The following YTHDC1 variants were observed in gnomAD, a reference collection of about 807,000 sequenced individuals.
YTHDC1 encodes YTH N6-methyladenosine RNA binding protein C1, also known as YTH domain-containing protein 1.
In YTHDC1, 12 loss-of-function variants were observed where a neutral mutation model predicts 107.0. The observed-to-expected ratio is 0.11, with a 90% CI of 0.07 to 0.18. The LOEUF (loss-of-function observed/expected upper bound fraction) is 0.18. Ranked by LOEUF, YTHDC1 falls within the 10% of genes least tolerant of loss-of-function variation. The pLI is 1.00. For missense variants in YTHDC1, 635 were observed against 898.8 expected (o/e 0.71, Z 3.75); for synonymous variants, 280 against 289.5 (o/e 0.97, Z 0.33).
In YTHDC1 at chr4:68,337,861, G is replaced by C. The variant is rs747785716; in HGVS notation, c.170C>G (p.Thr57Ser). The change falls in exon 3 of 17, where the codon ACC (threonine) becomes AGC (serine). Residue 57 changes from threonine to serine, a missense_variant. This residue lies in a region of YTHDC1 where 294 missense variants were observed against 312.3 expected (regional missense o/e 0.94). Coordinates refer to ENST00000344157, the MANE Select transcript of YTHDC1 (RefSeq NM_001031732.4). ...RKSDRMESTD[T>S]KRQKPSVHSR... ...ATGGACAGAAGGCTTTTGTCGTTTGGTATCAGTAGATTCCATTCGATCACT... is the reference window on the plus strand; with the variant it reads ...ATGGACAGAAGGCTTTTGTCGTTTGCTATCAGTAGATTCCATTCGATCACT... The C allele has an allele frequency of 4.3e-6, 7 of 1,613,048 alleles. No individual in the cohort carries two copies. The highest frequency in any genetic ancestry group is 1.3e-5 in the African/African-American group (1 of 74,674).
intron 9 of YTHDC1, among the ~76,000 whole-genome samples, chr4:68,329,179 A>G (rs1439819579): frequency 2.0e-5 from 3 of 151,670 alleles, no homozygotes; most frequent in East Asian, 1.9e-4. Context: ...TTTCCTAACC[A>G]TCTCCTTCAT....
intron 15 of YTHDC1, 125 bp from the exon 16 acceptor site, chr4:68,316,573 T>A (rs1721880568): frequency 8.8e-7 from 1 of 1,140,072 alleles, no homozygotes; most frequent in Non-Finnish European, 1.2e-6. Flanking sequence ...TTTACTTTGA[T>A]GGCATTAAGG....
intron 1 of YTHDC1, among the ~76,000 whole-genome samples, chr4:68,343,339 C>G (rs1164689186): frequency 1.3e-5 from 2 of 150,892 alleles, no homozygotes; most frequent in Non-Finnish European, 3.0e-5. Flanking sequence ...GCTAGGATTA[C>G]AGAGGCCCGC....
Position 68,337,615 on chromosome 4 carries a change from T to C in YTHDC1, c.416A>G (p.Asp139Gly). ...AGGAGATTTGGCCCTCCTTTCAGGATCCCTTTTCCGGACACAGGTTTTTTC... is the reference window on the plus strand; with the variant it reads ...AGGAGATTTGGCCCTCCTTTCAGGACCCCTTTTCCGGACACAGGTTTTTTC... ...QPEKTCVRKR[D>G]PERRAKSPTP... Residue 139 changes from aspartate (D) to glycine (G), a missense_variant, in exon 3 of 17, where the codon GAT becomes GGT. By Grantham distance (94) the Asp-to-Gly change is moderately conservative. Transcript: ENST00000344157. The C allele has an allele frequency of 6.2e-7, 1 of 1,612,378 alleles. No homozygotes were observed. The highest frequency in any genetic ancestry group is 2.2e-5 in the East Asian group (1 of 44,872).
At chr4:68,316,694 T>C (rs1183680293) in intron 15 of YTHDC1, among the ~76,000 whole-genome samples, 2 of 152,238 alleles carry the variant, frequency 1.3e-5, no homozygotes, top group Admixed American at 6.5e-5. Context: ...AACACTTACA[T>C]GGTGCTTACT....
chr4:68,326,781 G>A (rs1244824529), intron 9 of YTHDC1, among the ~76,000 whole-genome samples: 3 of 151,496 alleles, frequency 2.0e-5, no homozygotes, highest in African/African-American at 7.3e-5. Context: ...AGTAGAGACG[G>A]GGTTTCACCA....
intron 1 of YTHDC1, among the ~76,000 whole-genome samples, chr4:68,340,887 A>G (rs1197205225): frequency 6.6e-6 from 1 of 152,116 alleles, no homozygotes; most frequent in Admixed American, 6.5e-5. Context: ...TTTAAGTTTC[A>G]AACACACTTA....
In YTHDC1 at chr4:68,314,035, C is replaced by T. The variant is rs550156784; in HGVS notation, c.*64G>A. ...TGAAAATAAATTTACTACTTGTAAA[C>T]ACACACAAAAAAAAAATACAAGATT... On this transcript the variant is annotated 3_prime_UTR_variant, in exon 17 of 17. Transcript: ENST00000344157. 3.3e-6 allele frequency: 5 copies of T among 1,530,826 alleles called. No individual in the cohort carries two copies. The East Asian group carries it at 1.1e-4, about 34-fold the overall frequency. 94.8% of individuals were successfully genotyped at this position (1,530,826 alleles called of 1,614,324 possible). A position where few individuals can be genotyped will look rare whatever the true frequency, so the allele number is the denominator to read the frequency against.
intron 1 of YTHDC1, among the ~76,000 whole-genome samples, chr4:68,341,322 C>T (rs532414654): frequency 6.6e-6 from 1 of 152,024 alleles, no homozygotes; most frequent in East Asian, 1.9e-4. Context: ...TATACTAGAA[C>T]ATAAATTTCA....
chr4:68,321,211 T>G (rs1320758784), intron 11 of YTHDC1, among the ~76,000 whole-genome samples: 2 of 152,212 alleles, frequency 1.3e-5, no homozygotes, highest in African/African-American at 4.8e-5. Flanking sequence ...TTTCAGCTAT[T>G]TGTCTGAGTA....
chr4:68,312,290 C>T lies in YTHDC1; in HGVS notation c.*1809G>A, dbSNP rs1721369152. ...GAGTCTGTATATAAAAGCACAAAGTCTCTATTGCATACAAAGTGCTCAGTA... is the reference window on the plus strand; with the variant it reads ...GAGTCTGTATATAAAAGCACAAAGTTTCTATTGCATACAAAGTGCTCAGTA... On this transcript the variant is annotated 3_prime_UTR_variant, in exon 17 of 17. Coordinates refer to ENST00000344157, the MANE Select transcript of YTHDC1 (RefSeq NM_001031732.4). The T allele has an allele frequency of 6.6e-6, 1 of 152,132 alleles. No individual in the cohort carries two copies. Among genetic ancestry groups the T allele is most frequent in the African/African-American group, 2.4e-5 (1 of 41,428 alleles). The allele number at this position is 152,132 out of a possible 1,614,324, so 9.4% of individuals were successfully genotyped here.
At chr4:68,332,731 C>A in intron 6 of YTHDC1, 63 bp downstream of exon 6, 1 of 1,473,652 alleles carries the variant, frequency 6.8e-7, no homozygotes, top group Non-Finnish European at 9.4e-7. Flanking sequence ...TAATGGAGAA[C>A]CAATAAGGAA....
chr4:68,340,802 TTTATA>T (rs1165744899), intron 1 of YTHDC1, among the ~76,000 whole-genome samples: 7 of 152,058 alleles, frequency 4.6e-5, no homozygotes, highest in African/African-American at 1.7e-4. Flanking sequence ...ACCCTGAACA[TTTATA>T]TTATATACTT....
intron 7 of YTHDC1, among the ~76,000 whole-genome samples, 181 bp downstream of exon 7, chr4:68,331,917 AAAAAG>A (rs1161857532): frequency 6.6e-6 from 1 of 152,002 alleles, no homozygotes; most frequent in Non-Finnish European, 1.5e-5. Flanking sequence ...TTAAAAAAAA[AAAAAG>A]AAAACTCAAA....
intron 15 of YTHDC1, among the ~76,000 whole-genome samples, chr4:68,317,310 ACTAT>A (rs1373717155): frequency 1.3e-5 from 2 of 152,236 alleles, no homozygotes; most frequent in Admixed American, 6.5e-5. Flanking sequence ...TTTCATAGTT[ACTAT>A]CAAGATCATA....
rs762030225 is a variant in YTHDC1, at chr4:68,329,958, T to C, written c.1349+44A>G. On this transcript the variant is annotated intron_variant, in intron 9 of 16. Transcript: ENST00000344157. ...TTAACACATTATTCTAAACTGGTAGTGTATTCAAAATTTCAGTTATCTATA... is the reference window on the plus strand; with the variant it reads ...TTAACACATTATTCTAAACTGGTAGCGTATTCAAAATTTCAGTTATCTATA... 3.6e-6 allele frequency: 5 copies of C among 1,388,680 alleles called. No individual in the cohort carries two copies. The African/African-American group carries it at 5.7e-5, about 16-fold the overall frequency. The allele number at this position is 1,388,680 out of a possible 1,614,324, so 86.0% of individuals were successfully genotyped here. A position where few individuals can be genotyped will look rare whatever the true frequency, so the allele number is the denominator to read the frequency against.
At chr4:68,335,725 ATATT>A (rs768100902) in intron 4 of YTHDC1, among the ~76,000 whole-genome samples, 8 of 152,096 alleles carry the variant, frequency 5.3e-5, no homozygotes, top group Non-Finnish European at 8.8e-5. Context: ...TGCTAATGAA[ATATT>A]TATTATCTTA....
intron 9 of YTHDC1, among the ~76,000 whole-genome samples, chr4:68,326,507 G>A (rs1472961968): frequency 2.6e-5 from 4 of 152,154 alleles, no homozygotes; most frequent in Middle Eastern, 3.2e-3. Context: ...TATCTTTACT[G>A]TGAGTTCTTT....
chr4:68,325,967 G>GA (rs1245621045), intron 9 of YTHDC1, among the ~76,000 whole-genome samples: 11 of 151,934 alleles, frequency 7.2e-5, no homozygotes, highest in African/African-American at 2.7e-4. Flanking sequence ...GAAGTAGAAA[G>GA]ACTAGAACAA....
Sources: allele counts gnomAD v4.1 joint callset (sites outside exome capture counted in the v4.1 genomes callset), GRCh38; gene constraint gnomAD v4.1.1; regional missense constraint gnomAD v4.1.1; transcripts MANE v1.5; gene names NCBI Gene and HGNC (gene_info 2026-07-23, HGNC 2026-07-21).